The following EPM2A variants were observed in gnomAD, a reference collection of about 807,000 sequenced individuals.
The protein encoded by EPM2A is EPM2A glucan phosphatase, laforin, also known as laforin.
EPM2A carries 21 observed loss-of-function variants against 26.5 expected under a neutral mutation model. That is an observed-to-expected ratio of 0.79 (90% CI 0.56 to 1.14). EPM2A has a LOEUF of 1.14. EPM2A is among the 50% of genes most tolerant of loss of function. EPM2A has a pLI of 0.00. For missense variants in EPM2A, 458 were observed against 440.8 expected (o/e 1.04, Z -0.35); for synonymous variants, 217 against 177.6 (o/e 1.22, Z -1.76).
chr6:145,717,617 C>G (rs909974827), intron 1 of EPM2A, among the ~76,000 whole-genome samples: 7 of 151,988 alleles, frequency 4.6e-5, no homozygotes, highest in East Asian at 1.9e-4. Context: ...GTTCTGGCCA[C>G]GGCAATTAGG....
At chr6:145,595,595 T>G (rs1460846538) in intron 2 of EPM2A, among the ~76,000 whole-genome samples, 1 of 152,026 alleles carries the variant, frequency 6.6e-6, no homozygotes, top group East Asian at 1.9e-4. Flanking sequence ...TATTTTATAT[T>G]TTTTATTTCA....
intron 2 of EPM2A, among the ~76,000 whole-genome samples, chr6:145,651,033 T>C (rs1047985448): frequency 1.3e-5 from 2 of 152,152 alleles, no homozygotes; most frequent in African/African-American, 4.8e-5. Context: ...GCAACCCTGA[T>C]GAAATTTATC....
intron 2 of EPM2A, among the ~76,000 whole-genome samples, chr6:145,665,913 C>A (rs1379334621): frequency 1.3e-5 from 2 of 151,172 alleles, no homozygotes; most frequent in Non-Finnish European, 2.9e-5. Context: ...AAGACAAAAA[C>A]CACATTATTA....
intron 4 of EPM2A, among the ~76,000 whole-genome samples, chr6:145,478,989 G>C (rs540306922): frequency 6.6e-6 from 1 of 151,332 alleles, no homozygotes; most frequent in African/African-American, 2.4e-5. Context: ...TTCTATATAT[G>C]TTCTACTCTG....
chr6:145,393,318 C>T (rs1778362242), intron 4 of EPM2A, among the ~76,000 whole-genome samples: 1 of 151,880 alleles, frequency 6.6e-6, no homozygotes, highest in Non-Finnish European at 1.5e-5. Context: ...ACAACAAGCC[C>T]CATCTAAGGA....
At chr6:145,542,194 A>G (rs2114795514) in intron 2 of EPM2A, among the ~76,000 whole-genome samples, 1 of 152,350 alleles carries the variant, frequency 6.6e-6, no homozygotes. Context: ...TAAAGATCAG[A>G]AGGCCATCTT....
At chr6:145,541,348 A>G (rs200237816) in intron 2 of EPM2A, among the ~76,000 whole-genome samples, 3 of 148,958 alleles carry the variant, frequency 2.0e-5, no homozygotes, top group South Asian at 2.1e-4. Context: ...GTGTGTGTGT[A>G]TATATATATA....
chr6:145,686,231 A>G lies in EPM2A; in HGVS notation c.367T>C (p.Cys123Arg). 1 of 1,613,880 alleles carries G rather than the reference A, an allele frequency of 6.2e-7. No homozygotes were observed. The highest frequency in any genetic ancestry group is 8.5e-7 in the Non-Finnish European group (1 of 1,179,748). The change falls in exon 2 of 4, where the codon TGT becomes CGT. Residue 123 changes from cysteine (C) to arginine (R), a missense_variant. By Grantham distance (180) the Cys-to-Arg change is radical. Transcript: ENST00000367519. ...NENNLVDGVY[C>R]LPIGHWIEAT... ...TCAATCCAGTGTCCTATTGGGAGACAATACACACCATCCACCAAGTTGTTT... is the reference window on the plus strand; with the variant it reads ...TCAATCCAGTGTCCTATTGGGAGACGATACACACCATCCACCAAGTTGTTT...
At chr6:145,734,965 C>T (rs545112548) in intron 1 of EPM2A, 5 of 303,774 alleles carry the variant, frequency 1.6e-5, no homozygotes, top group African/African-American at 4.4e-5. Context: ...CGGCCGGGAG[C>T]GCTATACGGG....
chr6:145,470,985 T>C (rs1408376268), intron 4 of EPM2A, among the ~76,000 whole-genome samples: 1 of 152,172 alleles, frequency 6.6e-6, no homozygotes, highest in Non-Finnish European at 1.5e-5. Context: ...TTGGGTAGGA[T>C]GTGGTCTGCT....
intron 4 of EPM2A, among the ~76,000 whole-genome samples, chr6:145,494,226 C>A (rs1307197953): frequency 2.6e-5 from 4 of 152,108 alleles, no homozygotes; most frequent in African/African-American, 9.7e-5. Flanking sequence ...GTGTATGTGT[C>A]CAGGAATTTA....
chr6:145,602,675 A>G (rs548133723), intron 2 of EPM2A, among the ~76,000 whole-genome samples: 1 of 152,336 alleles, frequency 6.6e-6, no homozygotes, highest in African/African-American at 2.4e-5. Flanking sequence ...AAACTACACA[A>G]ACATATCCCA....
chr6:145,489,996 G>C, intron 4 of EPM2A: 2 of 1,371,096 alleles, frequency 1.5e-6, no homozygotes, highest in Non-Finnish European at 2.0e-6. Context: ...TCCTGGAGCA[G>C]ATCTGGATGG....
At chr6:145,646,209 T>C (rs1410259002) in intron 2 of EPM2A, among the ~76,000 whole-genome samples, 1 of 152,146 alleles carries the variant, frequency 6.6e-6, no homozygotes, top group Non-Finnish European at 1.5e-5. Context: ...AGGGGTGCAG[T>C]GCAGTGGCGC....
chr6:145,486,489 C>T (rs1463924614), intron 4 of EPM2A, among the ~76,000 whole-genome samples: 1 of 152,052 alleles, frequency 6.6e-6, no homozygotes, highest in Non-Finnish European at 1.5e-5. Flanking sequence ...GCAAATATCC[C>T]TAATACAATA....
chr6:145,602,177 T>G lies in EPM2A; in HGVS notation c.340+33068A>C, dbSNP rs182810878. On this transcript the variant is annotated intron_variant, in intron 2 of 3. Coordinates refer to the EPM2A transcript ENST00000450221. ...TTGTTTTTTATTTATTTGGGATGTA[T>G]ACAACATTCACACACAAATGTGCTT... 3.2e-4 allele frequency among the ~76,000 whole-genome samples: 48 copies of G among 152,292 alleles called. No homozygotes were observed. The East Asian group carries it at 9.1e-3, about 29-fold the overall frequency.
chr6:145,627,876 A>G (rs919434797), intron 3 of EPM2A, 183 bp from the exon 4 acceptor site: 6 of 803,672 alleles, frequency 7.5e-6, no homozygotes, highest in African/African-American at 5.2e-5. Context: ...GCTAATAGCA[A>G]AGTGGAAAGA....
At chr6:145,662,608 G>T (rs939045611) in intron 2 of EPM2A, among the ~76,000 whole-genome samples, 5 of 152,146 alleles carry the variant, frequency 3.3e-5, no homozygotes, top group Non-Finnish European at 7.4e-5. Context: ...GGAATTTACA[G>T]TCAAGGAGCA....
intron 1 of EPM2A, among the ~76,000 whole-genome samples, chr6:145,724,313 G>A (rs1054826438): frequency 4.6e-5 from 7 of 152,060 alleles, no homozygotes; most frequent in African/African-American, 1.7e-4. Context: ...AAATTTAATT[G>A]TTTAAGAAAA....
Sources: gnomAD v4.1 joint callset for allele counts (sites outside exome capture counted in the v4.1 genomes callset) on GRCh38, gnomAD v4.1.1 for gene constraint, MANE v1.5 for transcripts, NCBI Gene and HGNC (gene_info 2026-07-23, HGNC 2026-07-21) for gene names.